The following GH2 variants were observed in gnomAD, a reference collection of about 807,000 sequenced individuals.
GH2 encodes the protein growth hormone 2.
Under a neutral mutation model 24.1 loss-of-function variants are expected in GH2, and 17 were observed. The observed-to-expected ratio is 0.71, with a 90% CI of 0.48 to 1.06. GH2 has a LOEUF of 1.06. Among genes scored for constraint, GH2 ranks in the 50% least tolerant of loss-of-function variants. The pLI, the probability that GH2 is intolerant of heterozygous loss-of-function variation, is 0.00. For synonymous variants in GH2, 126 were observed against 118.7 expected (o/e 1.06, Z -0.40); for missense variants, 305 against 273.1 (o/e 1.12, Z -0.82).
At chr17:63,881,174 T>A (rs765137600) in intron 2 of GH2, 26 bp from the exon 3 acceptor site, 15 of 1,613,872 alleles carry the variant, frequency 9.3e-6, no homozygotes, top group Admixed American at 1.7e-5. Context: ...CCCACCAAGG[T>A]CTATGCTGGA....
chr17:63,881,832 G>A lies in GH2; in HGVS notation c.-31C>T, dbSNP rs1905558200. 16 of 1,613,722 alleles carry A rather than the reference G, an allele frequency of 9.9e-6. No homozygotes were observed. In the East Asian group the frequency reaches 3.6e-4, roughly 36 times the overall value. ...CTAGGTGAGCTGTCCACAGGACCCTGAGTGGTTCGGGGAGTTGGGCCTTGG... is the reference window on the plus strand; with the variant it reads ...CTAGGTGAGCTGTCCACAGGACCCTAAGTGGTTCGGGGAGTTGGGCCTTGG... On this transcript the variant is annotated 5_prime_UTR_variant, in exon 1 of 5. Coordinates refer to ENST00000423893, the MANE Select transcript of GH2 (RefSeq NM_002059.5).
Position 63,881,403 on chromosome 17 carries a change from C to A in GH2, c.127G>T (p.Ala43Ser). 1.2e-6 allele frequency: 2 copies of A among 1,613,992 alleles called. No homozygotes were observed. The highest frequency in any genetic ancestry group is 2.2e-5 in the East Asian group (1 of 44,882). Residue 43 changes from alanine to serine, a missense_variant, in exon 2 of 5, where the codon GCC (alanine) becomes TCC (serine). Physicochemically the swap from Ala to Ser is moderately conservative, Grantham distance 99. Transcript: ENST00000423893. ...SRLFDNAMLR[A>S]RRLYQLAYDT... is the part of the protein sequence containing the mutation. Reference sequence around the variant, plus strand: ...TATGCCAGCTGGTACAGGCGACGGGCGCGGAGCATAGCGTTGTCAAAAAGC... The same window carrying A: ...TATGCCAGCTGGTACAGGCGACGGGAGCGGAGCATAGCGTTGTCAAAAAGC...
Position 63,881,901 on chromosome 17 carries a change from C to G in GH2, c.-100G>C. 2.5e-6 allele frequency: 4 copies of G among 1,611,502 alleles called. No homozygotes were observed. Among genetic ancestry groups the G allele is most frequent in the East Asian group, 2.2e-5 (1 of 44,840 alleles). On this transcript the variant is annotated 5_prime_UTR_variant, in exon 1 of 5. Coordinates refer to ENST00000423893, the MANE Select transcript of GH2 (RefSeq NM_002059.5). The stretch of plus-strand genomic sequence containing the variant: ...TTGTGGGCCCTTTTTATACCTGGCC[C>G]CTTCTCTCTCGCTGCTTCTCCTCAC...
In GH2 at chr17:63,880,516, C is replaced by A; in HGVS notation, c.459G>T (p.Arg153Ser). 1 of 1,613,830 alleles carries A rather than the reference C, an allele frequency of 6.2e-7. No homozygotes were observed. The change falls in exon 5 of 5, where the codon AGG becomes AGT. Residue 153 changes from arginine (R) to serine (S), a missense_variant and splice_region_variant. Transcript: ENST00000423893. ...LEEGIQTLMW[R>S]LEDGSPRTGQ... ...CAGTCCGGGGGCTGCCATCTTCCAG[C>A]CTCTGCAAAGTGAAGGAAGAGAAGG... is the stretch of plus-strand genomic sequence containing the variant.
At position 63,881,848 on chromosome 17, in the gene GH2, T is replaced by C. The variant is rs772874030; in HGVS notation, c.-47A>G. The C allele has an allele frequency of 3.1e-6, 5 of 1,613,722 alleles. No homozygotes were observed. Among genetic ancestry groups the C allele is most frequent in the East Asian group, 4.5e-5 (2 of 44,876 alleles). The stretch of plus-strand genomic sequence containing the variant: ...CAGGACCCTGAGTGGTTCGGGGAGT[T>C]GGGCCTTGGGATCCTTGAGCTGGTC... On this transcript the variant is annotated 5_prime_UTR_variant, in exon 1 of 5. Transcript: ENST00000423893.
chr17:63,881,056 G>A lies in GH2; in HGVS notation c.264C>T (p.Ser88=), dbSNP rs1182050282. The change falls in exon 3 of 5, where the codon TCC becomes TCT. Residue 88 remains serine (S), a synonymous_variant. Transcript: ENST00000423893. ...ATTTCTGCTGCGTTTTCACCCTGTT[G>A]GAAGGTGTTGGAATAGACTCTGAGA... The part of the protein sequence containing the change: ...LCFSESIPTP[S]NRVKTQQKSN... The A allele has an allele frequency of 6.2e-7, 1 of 1,613,954 alleles. No homozygotes were observed. The highest frequency in any genetic ancestry group is 8.5e-7 in the Non-Finnish European group (1 of 1,179,964).
Position 63,881,045 on chromosome 17 carries a change from T to C in GH2, c.275A>G (p.Lys92Arg), listed in dbSNP as rs1905485421. Residue 92 changes from lysine to arginine, a missense_variant, in exon 3 of 5, where the codon AAA becomes AGA. Transcript: ENST00000423893. ...TCCACTCACAGATTTCTGCTGCGTT[T>C]TCACCCTGTTGGAAGGTGTTGGAAT... Reference protein sequence around the residue: ...ESIPTPSNRVKTQQKSNLELL... With the variant: ...ESIPTPSNRVRTQQKSNLELL... 1 of 1,614,066 alleles carries C rather than the reference T, an allele frequency of 6.2e-7. No individual in the cohort carries two copies. The highest frequency in any genetic ancestry group is 1.3e-5 in the African/African-American group (1 of 75,024).
chr17:63,880,627 G>C, intron 4 of GH2, 109 bp from the exon 5 acceptor site: 5 of 1,614,018 alleles, frequency 3.1e-6, no homozygotes, highest in East Asian at 2.2e-5. Context: ...GAAAGGCCTG[G>C]AGGATTCACG....
At chr17:63,881,580 G>A in intron 1 of GH2, 61 bp from the exon 2 acceptor site, 1 of 1,592,202 alleles carries the variant, frequency 6.3e-7, no homozygotes, top group Non-Finnish European at 8.5e-7. Context: ...CGCTCTCCCT[G>A]TTCCAGGAGC....
rs1043888219 is a variant in GH2, at chr17:63,880,445, T to A, written c.530A>T (p.His177Leu). 6.2e-6 allele frequency: 10 copies of A among 1,613,824 alleles called. No individual in the cohort carries two copies. The highest frequency in any genetic ancestry group is 7.6e-6 in the Non-Finnish European group (9 of 1,179,776). ...QSYSKFDTKSHNDDALLKNYG... is the reference protein window; with the variant it reads ...QSYSKFDTKSLNDDALLKNYG... ...GTTCTTGAGCAGTGCGTCATCGTTG[T>A]GCGATTTTGTGTCAAACTTGCTGTA... The change falls in exon 5 of 5, where the codon CAC becomes CTC. Residue 177 changes from histidine to leucine, a missense_variant. Coordinates refer to ENST00000423893, the MANE Select transcript of GH2 (RefSeq NM_002059.5).
Position 63,881,263 on chromosome 17 carries a change from A to G in GH2, c.171+96T>C. The G allele has an allele frequency of 4.3e-6, 7 of 1,611,026 alleles. No individual in the cohort carries two copies. The South Asian group carries it at 5.5e-5, about 13-fold the overall frequency. On this transcript the variant is annotated intron_variant, in intron 2 of 4. Coordinates refer to ENST00000423893, the MANE Select transcript of GH2 (RefSeq NM_002059.5). ...GCCTGCATTTTCACTTCAGAAAACA[A>G]CCCTGAGCTCCTTAGTCTCCTCCCA... is the stretch of plus-strand genomic sequence containing the variant.
intron 3 of GH2, 36 bp from the exon 4 acceptor site, chr17:63,880,972 G>T: frequency 6.2e-7 from 1 of 1,614,068 alleles, no homozygotes. Flanking sequence ...TGTGCTGCCC[G>T]GGGGCTCTGA....
chr17:63,880,519 C>A lies in GH2; in HGVS notation c.457-1G>T. ...TCCGGGGGCTGCCATCTTCCAGCCT[C>A]TGCAAAGTGAAGGAAGAGAAGGAGA... On this transcript the variant is annotated splice_acceptor_variant, in intron 4 of 4. Coordinates refer to ENST00000423893, the MANE Select transcript of GH2 (RefSeq NM_002059.5). LOFTEE classifies it high-confidence loss of function. 6.2e-7 allele frequency: 1 copy of A among 1,613,860 alleles called. No individual in the cohort carries two copies. Among genetic ancestry groups the A allele is most frequent in the Non-Finnish European group, 8.5e-7 (1 of 1,179,796 alleles).
At chr17:63,880,683 C>T (rs1905447932) in intron 4 of GH2, 89 bp downstream of exon 4, 1 of 1,614,072 alleles carries the variant, frequency 6.2e-7, no homozygotes, top group South Asian at 1.1e-5. Flanking sequence ...CAGCGCCTGA[C>T]TGCTAAAAAG....
In GH2 at chr17:63,880,450, T is replaced by G. The variant is rs1271525611; in HGVS notation, c.525A>C (p.Lys175Asn). The change falls in exon 5 of 5, where the codon AAA (lysine) becomes AAC (asparagine). Residue 175 changes from lysine to asparagine, a missense_variant. Physicochemically the swap from Lys to Asn is moderately conservative, Grantham distance 94 (BLOSUM62 0). Coordinates refer to ENST00000423893, the MANE Select transcript of GH2 (RefSeq NM_002059.5). ...FNQSYSKFDTKSHNDDALLKN... is the reference protein window; with the variant it reads ...FNQSYSKFDTNSHNDDALLKN... ...TGAGCAGTGCGTCATCGTTGTGCGA[T>G]TTTGTGTCAAACTTGCTGTAGGACT... 10 of 1,613,650 alleles carry G rather than the reference T, an allele frequency of 6.2e-6. No individual in the cohort carries two copies. Among genetic ancestry groups the G allele is most frequent in the African/African-American group, 1.3e-5 (1 of 74,878 alleles).
In GH2 at chr17:63,881,017, G is replaced by A. The variant is rs1334391663; in HGVS notation, c.291+12C>T. The A allele has an allele frequency of 2.5e-6, 4 of 1,613,972 alleles. No homozygotes were observed. Among genetic ancestry groups the A allele is most frequent in the East Asian group, 4.5e-5 (2 of 44,904 alleles). On this transcript the variant is annotated intron_variant, in intron 3 of 4. Coordinates refer to ENST00000423893, the MANE Select transcript of GH2 (RefSeq NM_002059.5). ...TACCCCATCCCCACCTGGGGAGAAG[G>A]CATCCACTCACAGATTTCTGCTGCG...
In GH2 at chr17:63,880,499, G is replaced by C. The variant is rs745916178; in HGVS notation, c.476C>G (p.Pro159Arg). The C allele has an allele frequency of 5.0e-6, 8 of 1,613,674 alleles. No homozygotes were observed. The highest frequency in any genetic ancestry group is 2.2e-5 in the East Asian group (1 of 44,890). The change falls in exon 5 of 5, where the codon CCC (proline) becomes CGC (arginine). Residue 159 changes from proline (P) to arginine (R), a missense_variant. Pro to Arg is a moderately radical substitution (Grantham distance 103). Coordinates refer to ENST00000423893, the MANE Select transcript of GH2 (RefSeq NM_002059.5). Reference sequence around the variant, plus strand: ...CTGATTGAAGATCTGCCCAGTCCGGGGGCTGCCATCTTCCAGCCTCTGCAA... The same window carrying C: ...CTGATTGAAGATCTGCCCAGTCCGGCGGCTGCCATCTTCCAGCCTCTGCAA... The part of the protein sequence containing the change: ...TLMWRLEDGS[P>R]RTGQIFNQSY...
intron 2 of GH2, 28 bp from the exon 3 acceptor site, chr17:63,881,176 T>G (rs1340385257): frequency 6.2e-7 from 1 of 1,614,080 alleles, no homozygotes. Flanking sequence ...CACCAAGGTC[T>G]ATGCTGGAGA....
At chr17:63,880,602 C>T (rs747251154) in intron 4 of GH2, 84 bp from the exon 5 acceptor site, 5 of 1,613,946 alleles carry the variant, frequency 3.1e-6, no homozygotes, top group Non-Finnish European at 4.2e-6. Flanking sequence ...TCCTCCCTCC[C>T]CTCCAGGTTG....
Sources: gnomAD v4.1 joint callset for allele counts on GRCh38, gnomAD v4.1.1 for gene constraint, MANE v1.5 for transcripts, NCBI Gene and HGNC (gene_info 2026-07-23, HGNC 2026-07-21) for gene names.